Variants in TMIGD1 observed in about 807,000 individuals in gnomAD.
The protein encoded by TMIGD1 is transmembrane and immunoglobulin domain-containing protein 1.
A neutral mutation model predicts 27.5 loss-of-function variants in TMIGD1; 29 were observed. That is an observed-to-expected ratio of 1.05 (90% CI 0.78 to 1.44). The LOEUF (loss-of-function observed/expected upper bound fraction) is 1.44. Among genes scored for constraint, TMIGD1 ranks in the 40% most tolerant of loss-of-function variants. The pLI is 0.00. For missense variants in TMIGD1, 334 were observed against 310.6 expected (o/e 1.08, Z -0.57); for synonymous variants, 109 against 110.3 (o/e 0.99, Z 0.07).
At position 30,321,163 on chromosome 17, in the gene TMIGD1, C is replaced by T. The variant is rs866522040; in HGVS notation, c.641-2250G>A. Among the ~76,000 whole-genome samples the T allele has an allele frequency of 4.9e-5, 7 of 142,330 alleles. No individual in the cohort carries two copies. In the South Asian group the frequency reaches 1.6e-3, roughly 32 times the overall value. 93.4% of individuals were successfully genotyped at this position (142,330 alleles called of 152,430 possible). A position where few individuals can be genotyped will look rare whatever the true frequency, so the allele number is the denominator to read the frequency against. ...GTGAGCCACCATGCCTGGCCAACCCCTTTTTTTTTTTTTTTAGAGATGGAG... is the reference window on the plus strand; with the variant it reads ...GTGAGCCACCATGCCTGGCCAACCCTTTTTTTTTTTTTTTTAGAGATGGAG... On this transcript the variant is annotated intron_variant, in intron 4 of 6. Transcript: ENST00000328886.
chr17:30,325,170 A>G, intron 3 of TMIGD1, 76 bp from the exon 4 acceptor site: 1 of 1,457,552 alleles, frequency 6.9e-7, no homozygotes, highest in Non-Finnish European at 9.3e-7. Context: ...TCTTCCTTCA[A>G]TCTATCTCAT....
Position 30,334,014 on chromosome 17 carries a change from G to C in TMIGD1, c.-40C>G, listed in dbSNP as rs1463532338. On this transcript the variant is annotated 5_prime_UTR_variant, in exon 1 of 7. Transcript: ENST00000328886. Reference sequence around the variant, plus strand: ...TTACCACTTACCTCTTGAGCTCTGAGAAGCTGACTTCCTTGGCCAACTGTT... The same window carrying C: ...TTACCACTTACCTCTTGAGCTCTGACAAGCTGACTTCCTTGGCCAACTGTT... 6.6e-6 allele frequency: 1 copy of C among 152,472 alleles called. No homozygotes were observed. The highest frequency in any genetic ancestry group is 1.5e-5 in the Non-Finnish European group (1 of 68,058). 9.4% of individuals were successfully genotyped at this position (152,472 alleles called of 1,614,324 possible). A position where few individuals can be genotyped will look rare whatever the true frequency, so the allele number is the denominator to read the frequency against.
chr17:30,328,389 T>G (rs956403979), intron 3 of TMIGD1, among the ~76,000 whole-genome samples: 5 of 152,128 alleles, frequency 3.3e-5, no homozygotes, highest in Non-Finnish European at 7.4e-5. Context: ...AGGAAAAGAC[T>G]TGAAGCTTTA....
chr17:30,322,844 C>T (rs1158688172), intron 4 of TMIGD1, among the ~76,000 whole-genome samples: 1 of 152,198 alleles, frequency 6.6e-6, no homozygotes, highest in Non-Finnish European at 1.5e-5. Context: ...CTACCTTACC[C>T]ATTGGCTTGC....
At chr17:30,330,448 G>A (rs528915432) in intron 2 of TMIGD1, among the ~76,000 whole-genome samples, 56 of 152,064 alleles carry the variant, frequency 3.7e-4, no homozygotes, top group African/African-American at 1.3e-3. Context: ...TAAACTTTAG[G>A]CAAAAAGGCA....
chr17:30,329,433 G>A lies in TMIGD1; in HGVS notation c.179C>T (p.Thr60Ile). Residue 60 changes from threonine to isoleucine, a missense_variant, in exon 3 of 7, where the codon ACC becomes ATC. Physicochemically the swap from Thr to Ile is moderately conservative, Grantham distance 89 (BLOSUM62 -1). Coordinates refer to ENST00000328886, the MANE Select transcript of TMIGD1 (RefSeq NM_206832.3). ...GTACCAGAGCAGTTCTTCCTCTCTGGTGTGGTTTTGAACAGCACATATCAG... is the reference window on the plus strand; with the variant it reads ...GTACCAGAGCAGTTCTTCCTCTCTGATGTGGTTTTGAACAGCACATATCAG... ...ASLICAVQNH[T>I]REEELLWYRE... is the part of the protein sequence containing the mutation. 6.2e-7 allele frequency: 1 copy of A among 1,614,172 alleles called. No homozygotes were observed. Among genetic ancestry groups the A allele is most frequent in the South Asian group, 1.1e-5 (1 of 91,074 alleles).
At chr17:30,321,007 A>C (rs536949584) in intron 4 of TMIGD1, among the ~76,000 whole-genome samples, 189 of 152,162 alleles carry the variant, frequency 1.2e-3, no homozygotes, top group Non-Finnish European at 2.2e-3. Context: ...ACAGGTGTAC[A>C]CCACCATGCC....
intron 5 of TMIGD1, among the ~76,000 whole-genome samples, chr17:30,317,903 A>G: frequency 6.6e-6 from 1 of 151,954 alleles, no homozygotes; most frequent in Non-Finnish European, 1.5e-5. Context: ...AACCCTGTCT[A>G]CAAAAAATAC....
chr17:30,324,501 T>C (rs922444884), intron 4 of TMIGD1, among the ~76,000 whole-genome samples: 2 of 152,196 alleles, frequency 1.3e-5, no homozygotes, highest in African/African-American at 2.4e-5. Flanking sequence ...AAAAGTCCAG[T>C]TGCTACACAC....
At chr17:30,332,322 C>G (rs902940535) in intron 1 of TMIGD1, among the ~76,000 whole-genome samples, 164 bp from the exon 2 acceptor site, 2 of 152,100 alleles carry the variant, frequency 1.3e-5, no homozygotes, top group African/African-American at 2.4e-5. Flanking sequence ...TGACTAAGTT[C>G]AAAGTACATT....
At chr17:30,327,742 A>AT (rs5819893) in intron 3 of TMIGD1, among the ~76,000 whole-genome samples, 55,563 of 146,270 alleles carry the variant, frequency 0.38, 10,598 homozygotes, top group Admixed American at 0.44. Flanking sequence ...AACACACCTT[A>AT]TTTTTTTTTT....
At chr17:30,332,190 C>T (rs1465928095) in intron 1 of TMIGD1, 32 bp from the exon 2 acceptor site, 7 of 1,406,876 alleles carry the variant, frequency 5.0e-6, no homozygotes, top group Non-Finnish European at 7.0e-6. Flanking sequence ...TGGTTTTGTA[C>T]TTTGGTCTGC....
At chr17:30,331,314 ACTTTT>A (rs1160720035) in intron 2 of TMIGD1, among the ~76,000 whole-genome samples, 1 of 133,820 alleles carries the variant, frequency 7.5e-6, no homozygotes, top group Non-Finnish European at 1.7e-5. Flanking sequence ...GGGGATTTGT[ACTTTT>A]CTTTTTTTTT....
Position 30,329,357 on chromosome 17 carries a change from G to A in TMIGD1, c.255C>T (p.Ser85=), listed in dbSNP as rs1437945573. 18 of 1,614,116 alleles carry A rather than the reference G, an allele frequency of 1.1e-5. No individual in the cohort carries two copies. Among genetic ancestry groups the A allele is most frequent in the Non-Finnish European group, 1.4e-5 (16 of 1,180,022 alleles). The part of the protein sequence containing the change: ...DLKSGNKINS[S]SVCVSSISEN... ...CACTGATGGAAGAGACACAGACAGA[G>A]CTGGAATTGATTTTGTTTCCAGATT... is the stretch of plus-strand genomic sequence containing the variant. The change falls in exon 3 of 7, where the codon AGC becomes AGT. Residue 85 remains serine, a synonymous_variant. Transcript: ENST00000328886.
In TMIGD1 at chr17:30,324,810, CATTACCTTTAACA is replaced by C; in HGVS notation, c.633_640+5del. ...TGTGCTGGGTATTACTTAAAAAGAG[CATTACCTTTAACA>C]ATCAGGTGAAAGTCCAAGCTCTCCG... On this transcript the variant is annotated splice_donor_variant and splice_donor_5th_base_variant and coding_sequence_variant and intron_variant, in exon 4 of 7. Transcript: ENST00000328886. LOFTEE classifies it high-confidence loss of function. The C allele has an allele frequency of 1.1e-5, 18 of 1,613,242 alleles. No individual in the cohort carries two copies. The highest frequency in any genetic ancestry group is 1.4e-5 in the Non-Finnish European group (17 of 1,179,274).
Position 30,329,443 on chromosome 17 carries a change from G to C in TMIGD1, c.169C>G (p.Gln57Glu), listed in dbSNP as rs73275763. The C allele has an allele frequency of 3.1e-4, 508 of 1,614,136 alleles. 3 individuals carry two copies. In the African/African-American group the frequency reaches 6.0e-3, roughly 19 times the overall value. The change falls in exon 3 of 7, where the codon CAA becomes GAA. Residue 57 changes from glutamine (Q) to glutamate (E), a missense_variant. Coordinates refer to ENST00000328886, the MANE Select transcript of TMIGD1 (RefSeq NM_206832.3). ...AGTTCTTCCTCTCTGGTGTGGTTTT[G>C]AACAGCACATATCAGAGATGCTTGG... ...GSQASLICAV[Q>E]NHTREEELLW...
chr17:30,324,767 C>T, intron 4 of TMIGD1, 49 bp downstream of exon 4: 5 of 1,569,642 alleles, frequency 3.2e-6, no homozygotes, highest in Non-Finnish European at 3.5e-6. Flanking sequence ...CACTGAGCAT[C>T]TGGTGTGAGT....
intron 4 of TMIGD1, 75 bp downstream of exon 4, chr17:30,324,741 T>C (rs1017350011): frequency 3.3e-6 from 5 of 1,508,172 alleles, no homozygotes; most frequent in Non-Finnish European, 4.5e-6. Context: ...TATCATTTAT[T>C]GTCACCAGAA....
intron 4 of TMIGD1, among the ~76,000 whole-genome samples, chr17:30,324,411 A>G (rs2143155611): frequency 6.6e-6 from 1 of 152,258 alleles, no homozygotes; most frequent in African/African-American, 2.4e-5. Flanking sequence ...GAGTGATTGT[A>G]GGGATCCATT....
Sources: allele counts gnomAD v4.1 joint callset (sites outside exome capture counted in the v4.1 genomes callset), GRCh38; gene constraint gnomAD v4.1.1; transcripts MANE v1.5; gene names NCBI Gene and HGNC (gene_info 2026-07-23, HGNC 2026-07-21).